The following SUOX variants were observed in gnomAD, a reference collection of about 807,000 sequenced individuals.
SUOX encodes the protein sulfite oxidase, mitochondrial.
A neutral mutation model predicts 41.9 loss-of-function variants in SUOX; 39 were observed. The ratio of observed to expected loss-of-function variants is 0.93; its 90% CI spans 0.72 to 1.21. The LOEUF (loss-of-function observed/expected upper bound fraction) is 1.21, where lower values mean the gene tolerates loss of function less well. Among genes scored for constraint, SUOX ranks in the 50% most tolerant of loss-of-function variants. The pLI is 0.00. For synonymous variants in SUOX, 220 were observed against 268.4 expected (o/e 0.82, Z 1.76); for missense variants, 633 against 689.5 (o/e 0.92, Z 0.92).
At chr12:56,001,265 C>T (rs1332036672) in intron 2 of SUOX, 4 of 151,736 alleles carry the variant, frequency 2.6e-5, no homozygotes, top group Admixed American at 2.6e-4. Flanking sequence ...GCTGGGGTTA[C>T]AGGCACGTGT....
At position 56,003,984 on chromosome 12, in the gene SUOX, C is replaced by G. The variant is rs1383470467; in HGVS notation, c.595C>G (p.Pro199Ala). Residue 199 changes from proline to alanine, a missense_variant, in exon 5 of 5, where the codon CCC becomes GCC. Pro to Ala is a conservative substitution (Grantham distance 27, BLOSUM62 -1). Transcript: ENST00000266971. The part of the protein sequence containing the change: ...NSQRPFNAEP[P>A]PELLTENYIT... ...CCAGCGGCCCTTTAATGCAGAGCCT[C>G]CCCCTGAGCTGCTGACAGAAAACTA... The G allele has an allele frequency of 1.9e-6, 3 of 1,614,024 alleles. No homozygotes were observed. The highest frequency in any genetic ancestry group is 2.5e-6 in the Non-Finnish European group (3 of 1,180,040).
chr12:56,005,185 T>C lies in SUOX; in HGVS notation c.*158T>C. 1.2e-6 allele frequency: 1 copy of C among 801,490 alleles called. No homozygotes were observed. Among genetic ancestry groups the C allele is most frequent in the Non-Finnish European group, 2.0e-6 (1 of 488,126 alleles). 49.6% of individuals were successfully genotyped at this position (801,490 alleles called of 1,614,324 possible). A position where few individuals can be genotyped will look rare whatever the true frequency, so the allele number is the denominator to read the frequency against. On this transcript the variant is annotated 3_prime_UTR_variant, in exon 5 of 5. Coordinates refer to ENST00000266971, the MANE Select transcript of SUOX (RefSeq NM_001032386.2). ...ACATTTCACCCAAGGACCTTCCCTC[T>C]TTGGACACTATGTTACATACCCCTC...
Position 56,002,615 on chromosome 12 carries a change from C to T in SUOX, c.123C>T (p.Pro41=). The T allele has an allele frequency of 6.2e-7, 1 of 1,614,120 alleles. No homozygotes were observed. The highest frequency in any genetic ancestry group is 1.1e-5 in the South Asian group (1 of 91,082). Residue 41 remains proline (P), a synonymous_variant, in exon 4 of 5, where the codon CCC becomes CCT. Transcript: ENST00000266971. ...STNDSFQPQR[P]SLTFSGDNSS... ...ATGATTCATTTCAGCCCCAGCGCCC[C>T]AGCCTCACCTTCTCTGGTGATAACT...
In SUOX at chr12:56,004,723, T is replaced by C. The variant is rs536072138; in HGVS notation, c.1334T>C (p.Ile445Thr). 3 of 1,614,066 alleles carry C rather than the reference T, an allele frequency of 1.9e-6. No individual in the cohort carries two copies. The Admixed American group carries it at 5.0e-5, about 27-fold the overall frequency. The change falls in exon 5 of 5, where the codon ATC (isoleucine) becomes ACC (threonine). Residue 445 changes from isoleucine (I) to threonine (T), a missense_variant. By Grantham distance (89) the Ile-to-Thr change is moderately conservative (BLOSUM62 -1). Coordinates refer to ENST00000266971, the MANE Select transcript of SUOX (RefSeq NM_001032386.2). This position sits in a 1 kb window ranked among gnomAD's most constrained non-coding sequence, Gnocchi z 4.5. ...ACTGTAGAATCAGGGGAGGTGACCA[T>C]CAAGGGCTATGCATGGAGTGGTGGT... Reference protein sequence around the residue: ...GETVESGEVTIKGYAWSGGGR... With the variant: ...GETVESGEVTTKGYAWSGGGR...
intron 4 of SUOX, 44 bp from the exon 5 acceptor site, chr12:56,003,574 T>C (rs1157171211): frequency 6.3e-7 from 1 of 1,592,658 alleles, no homozygotes; most frequent in East Asian, 2.2e-5. Context: ...TGATTTCTTC[T>C]TAATAGTCTC....
intron 2 of SUOX, among the ~76,000 whole-genome samples, chr12:55,998,690 G>A (rs956602434): frequency 1.3e-5 from 2 of 152,020 alleles, no homozygotes; most frequent in Non-Finnish European, 2.9e-5. Context: ...GCCAGGCTTG[G>A]TGACACACAC....
chr12:55,998,676 A>T (rs925138093), intron 2 of SUOX, among the ~76,000 whole-genome samples: 1 of 151,708 alleles, frequency 6.6e-6, no homozygotes, highest in African/African-American at 2.4e-5. Context: ...CTACAGAAAA[A>T]TTAGCCAGGC....
At chr12:56,002,822 G>A (rs2136510033) in intron 4 of SUOX, 102 bp downstream of exon 4, 1 of 1,443,246 alleles carries the variant, frequency 6.9e-7, no homozygotes, top group Non-Finnish European at 9.6e-7. Flanking sequence ...GTCACTTGAG[G>A]TTAGGAGTTT....
chr12:56,001,007 G>A (rs963884214), intron 2 of SUOX, among the ~76,000 whole-genome samples: 1 of 151,572 alleles, frequency 6.6e-6, no homozygotes. Flanking sequence ...GGATGGTTTC[G>A]ATCTCCTGAC....
At chr12:56,002,132 C>T (rs1890552343) in intron 2 of SUOX, 80 bp from the exon 3 acceptor site, 3 of 1,580,472 alleles carry the variant, frequency 1.9e-6, no homozygotes, top group Non-Finnish European at 2.6e-6. Context: ...CTGTGTCTTC[C>T]TCTCACCCAT....
In SUOX at chr12:56,002,478, AC is replaced by A. The variant is rs1890567944; in HGVS notation, c.51-61del. 1.9e-6 allele frequency: 3 copies of A among 1,603,884 alleles called. No individual in the cohort carries two copies. The South Asian group carries it at 3.3e-5, about 18-fold the overall frequency. On this transcript the variant is annotated intron_variant, in intron 3 of 4. Coordinates refer to ENST00000266971, the MANE Select transcript of SUOX (RefSeq NM_001032386.2). ...TGGCCAACCAGGGAGAAAGAAGTAG[AC>A]CCCAAGCCTTCACTAGCCCTTTCAC...
At position 56,004,824 on chromosome 12, in the gene SUOX, G is replaced by A. The variant is rs1325574553; in HGVS notation, c.1435G>A (p.Glu479Lys). 2 of 1,614,182 alleles carry A rather than the reference G, an allele frequency of 1.2e-6. No homozygotes were observed. The highest frequency in any genetic ancestry group is 1.7e-6 in the Non-Finnish European group (2 of 1,180,028). ...TWQVAKLDGE[E>K]QRPRKAWAWR... ...GCAGGTGGCTAAGCTGGATGGAGAG[G>A]AACAGCGCCCCAGGAAGGCCTGGGC... Residue 479 changes from glutamate to lysine, a missense_variant, in exon 5 of 5, where the codon GAA (glutamate) becomes AAA (lysine). Transcript: ENST00000266971. The surrounding 1 kb of genome is among the most constrained non-coding windows in gnomAD (Gnocchi z 4.5).
In SUOX at chr12:56,002,589, A is replaced by G; in HGVS notation, c.97A>G (p.Asn33Asp). ...GATCTGCATTCAGGCCTGCTCCACA[A>G]ATGATTCATTTCAGCCCCAGCGCCC... Reference protein sequence around the residue: ...SRICIQACSTNDSFQPQRPSL... With the variant: ...SRICIQACSTDDSFQPQRPSL... The change falls in exon 4 of 5, where the codon AAT becomes GAT. Residue 33 changes from asparagine (N) to aspartate (D), a missense_variant. By Grantham distance (23) the Asn-to-Asp change is conservative (BLOSUM62 1). Transcript: ENST00000266971. 3 of 1,613,820 alleles carry G rather than the reference A, an allele frequency of 1.9e-6. No individual in the cohort carries two copies. The highest frequency in any genetic ancestry group is 2.5e-6 in the Non-Finnish European group (3 of 1,179,988).
In SUOX at chr12:56,004,047, C is replaced by G; in HGVS notation, c.658C>G (p.Leu220Val). 2 of 1,614,212 alleles carry G rather than the reference C, an allele frequency of 1.2e-6. No individual in the cohort carries two copies. Among genetic ancestry groups the G allele is most frequent in the Non-Finnish European group, 1.7e-6 (2 of 1,180,054 alleles). ...CCCTATCTTCTTCACCCGGAACCAT[C>G]TGCCTGTACCTAACCTGGATCCAGA... is the stretch of plus-strand genomic sequence containing the variant. Reference protein sequence around the residue: ...PNPIFFTRNHLPVPNLDPDTY... With the variant: ...PNPIFFTRNHVPVPNLDPDTY... Residue 220 changes from leucine (L) to valine (V), a missense_variant, in exon 5 of 5, where the codon CTG becomes GTG. By Grantham distance (32) the Leu-to-Val change is conservative. Coordinates refer to ENST00000266971, the MANE Select transcript of SUOX (RefSeq NM_001032386.2). The surrounding 1 kb of genome is among the most constrained non-coding windows in gnomAD (Gnocchi z 4.5).
intron 3 of SUOX, 56 bp from the exon 4 acceptor site, chr12:56,002,487 C>T (rs2136509405): frequency 1.2e-6 from 2 of 1,608,732 alleles, no homozygotes; most frequent in East Asian, 2.2e-5. Flanking sequence ...GACCCCAAGC[C>T]TTCACTAGCC....
chr12:55,997,919 C>G (rs1482081507), intron 2 of SUOX, among the ~76,000 whole-genome samples, 196 bp downstream of exon 2: 1 of 151,656 alleles, frequency 6.6e-6, no homozygotes, highest in African/African-American at 2.4e-5. Flanking sequence ...GCTCTCTGTT[C>G]AGCAATTTGA....
Position 56,004,646 on chromosome 12 carries a change from CA to C in SUOX, c.1258del (p.Ile420PhefsTer19). ...CTGTAGATTTTGACTCTGCTCCATC[CA>C]TTCAGGAACTTCCTGTCCAGTCGGC... Reference protein sequence around the residue: ...ETVDFDSAPSIQELPVQSAIT... With the variant: ...ETVDFDSAPSXQELPVQSAIT... On this transcript the variant is annotated frameshift_variant, in exon 5 of 5. Transcript: ENST00000266971. LOFTEE classifies it high-confidence loss of function. The surrounding 1 kb of genome is among the most constrained non-coding windows in gnomAD (Gnocchi z 4.5). The C allele has an allele frequency of 2.5e-6, 4 of 1,613,938 alleles. No individual in the cohort carries two copies. The highest frequency in any genetic ancestry group is 3.4e-6 in the Non-Finnish European group (4 of 1,179,820).
chr12:56,005,049 A>T lies in SUOX; in HGVS notation c.*22A>T. The T allele has an allele frequency of 6.2e-7, 1 of 1,603,888 alleles. No homozygotes were observed. Among genetic ancestry groups the T allele is most frequent in the Non-Finnish European group, 8.5e-7 (1 of 1,178,646 alleles). ...ATGAGCATGGAAAGGAGCCACCTCC[A>T]CCCCTTTCCCCACCCATTAGCCTCA... On this transcript the variant is annotated 3_prime_UTR_variant, in exon 5 of 5. Transcript: ENST00000266971.
At position 56,004,039 on chromosome 12, in the gene SUOX, G is replaced by A. The variant is rs121908007; in HGVS notation, c.650G>A (p.Arg217Gln). ...ACACCCAACCCTATCTTCTTCACCC[G>A]GAACCATCTGCCTGTACCTAACCTG... ...YITPNPIFFT[R>Q]NHLPVPNLDP... The change falls in exon 5 of 5, where the codon CGG (arginine) becomes CAG (glutamine). Residue 217 changes from arginine (R) to glutamine (Q), a missense_variant. Transcript: ENST00000266971. This position sits in a 1 kb window ranked among gnomAD's most constrained non-coding sequence, Gnocchi z 4.5. 7.4e-6 allele frequency: 12 copies of A among 1,613,880 alleles called. No homozygotes were observed. In the East Asian group the frequency reaches 1.1e-4, roughly 15 times the overall value.
Sources: gnomAD v4.1 joint callset for allele counts (sites outside exome capture counted in the v4.1 genomes callset) on GRCh38, gnomAD v4.1.1 for gene constraint, Gnocchi (gnomAD v3.1) non-coding constraint, MANE v1.5 for transcripts, NCBI Gene and HGNC (gene_info 2026-07-23, HGNC 2026-07-21) for gene names.